Variants in PTPRG observed in about 807,000 individuals in gnomAD.
PTPRG encodes receptor-type tyrosine-protein phosphatase gamma.
A neutral mutation model predicts 165.3 loss-of-function variants in PTPRG; 102 were observed. That is an observed-to-expected ratio of 0.62 (90% CI 0.53 to 0.73). The LOEUF is 0.73. PTPRG is among the 30% of genes least tolerant of loss of function. The probability of loss-of-function intolerance (pLI) is 0.00; values close to 1 mark genes in which losing one functional copy is unlikely to be tolerated. For synonymous variants in PTPRG, 675 were observed against 669.5 expected (o/e 1.01, Z -0.13); for missense variants, 1,866 against 1,861.4 (o/e 1.00, Z -0.05).
chr3:61,680,592 T>G (rs1575586013), intron 1 of PTPRG, among the ~76,000 whole-genome samples: 1 of 66,014 alleles, frequency 1.5e-5, no homozygotes, highest in East Asian at 5.1e-4. Context: ...AGTTTTTCAT[T>G]CTGTCCTTCA....
At chr3:61,673,135 C>T (rs1006617182) in intron 1 of PTPRG, among the ~76,000 whole-genome samples, 2 of 152,038 alleles carry the variant, frequency 1.3e-5, no homozygotes, top group Non-Finnish European at 2.9e-5. Flanking sequence ...GCACTCCAGC[C>T]TAGGCAACAG....
intron 1 of PTPRG, among the ~76,000 whole-genome samples, chr3:61,744,810 A>T (rs1484530940): frequency 1.5e-5 from 2 of 136,766 alleles, no homozygotes; most frequent in Non-Finnish European, 3.3e-5. Context: ...CTTCCTAAAG[A>T]ATTGCTTATT....
At chr3:61,732,573 A>G (rs946933156) in intron 1 of PTPRG, among the ~76,000 whole-genome samples, 12 of 132,916 alleles carry the variant, frequency 9.0e-5, no homozygotes, top group Admixed American at 2.2e-4. Context: ...GCCGCGCATG[A>G]TGGCGAGCAC....
chr3:62,070,073 T>C (rs577852530), intron 4 of PTPRG, among the ~76,000 whole-genome samples: 1 of 152,362 alleles, frequency 6.6e-6, no homozygotes, highest in East Asian at 1.9e-4. Flanking sequence ...GTGTTATGTA[T>C]TTTAATGTAA....
chr3:62,127,846 A>G (rs1576037298), intron 5 of PTPRG, among the ~76,000 whole-genome samples: 1 of 152,230 alleles, frequency 6.6e-6, no homozygotes, highest in African/African-American at 2.4e-5. Context: ...TACTTCAAGC[A>G]AGAGTAAACA....
intron 2 of PTPRG, among the ~76,000 whole-genome samples, chr3:61,852,261 A>G (rs2036983646): frequency 6.6e-6 from 1 of 152,194 alleles, no homozygotes; most frequent in South Asian, 2.1e-4. Flanking sequence ...GTGCTTTCCA[A>G]GAAGGATGGG....
intron 2 of PTPRG, among the ~76,000 whole-genome samples, chr3:61,881,751 C>T (rs2107472194): frequency 6.6e-6 from 1 of 152,314 alleles, no homozygotes; most frequent in African/African-American, 2.4e-5. Context: ...AGATACCTAT[C>T]CTCTTGGCTT....
At chr3:61,966,167 A>G (rs2040265771) in intron 2 of PTPRG, among the ~76,000 whole-genome samples, 1 of 152,232 alleles carries the variant, frequency 6.6e-6, no homozygotes, top group East Asian at 1.9e-4. Context: ...ATATTTGGTT[A>G]TCGAGTTTAA....
At chr3:61,751,669 A>G (rs2033434716) in intron 2 of PTPRG, among the ~76,000 whole-genome samples, 2 of 152,216 alleles carry the variant, frequency 1.3e-5, no homozygotes, top group Admixed American at 1.3e-4. Flanking sequence ...GGATTGTTAC[A>G]GGGATTCAGT....
At chr3:62,097,825 T>C (rs914224880) in intron 5 of PTPRG, among the ~76,000 whole-genome samples, 2 of 152,200 alleles carry the variant, frequency 1.3e-5, no homozygotes, top group African/African-American at 4.8e-5. Context: ...GGCCAAACAT[T>C]ATCTCGTGAA....
intron 2 of PTPRG, among the ~76,000 whole-genome samples, chr3:61,783,515 G>C (rs982408750): frequency 2.0e-5 from 3 of 152,198 alleles, no homozygotes; most frequent in African/African-American, 7.2e-5. Flanking sequence ...ATAGGAACCA[G>C]CTATAATGTG....
chr3:61,972,311 A>G (rs1000299476), intron 2 of PTPRG, among the ~76,000 whole-genome samples: 1 of 152,166 alleles, frequency 6.6e-6, no homozygotes, highest in Non-Finnish European at 1.5e-5. Flanking sequence ...GTGATCAGGG[A>G]GGTAAATTTG....
Position 62,255,488 on chromosome 3 carries a change from G to T in PTPRG, c.2559+273G>T, listed in dbSNP as rs1701517551. 1.3e-5 allele frequency among the ~76,000 whole-genome samples: 2 copies of T among 152,234 alleles called. No individual in the cohort carries two copies. The highest frequency in any genetic ancestry group is 1.3e-4 in the Admixed American group (2 of 15,294). On this transcript the variant is annotated intron_variant, in intron 16 of 29. Coordinates refer to ENST00000474889, the MANE Select transcript of PTPRG (RefSeq NM_002841.4). This position sits in a 1 kb window ranked among gnomAD's most constrained non-coding sequence, Gnocchi z 4.0. ...CAAACTGGTAGGGATTGCTTTTCAGGTTCTTGCTACATCTAATTCTAACTG... is the reference window on the plus strand; with the variant it reads ...CAAACTGGTAGGGATTGCTTTTCAGTTTCTTGCTACATCTAATTCTAACTG...
intron 13 of PTPRG, among the ~76,000 whole-genome samples, chr3:62,226,030 C>A (rs901095199): frequency 6.6e-6 from 1 of 152,162 alleles, no homozygotes; most frequent in Non-Finnish European, 1.5e-5. Context: ...AATTAGTATA[C>A]GAATCCTGGG....
intron 1 of PTPRG, among the ~76,000 whole-genome samples, chr3:61,659,738 CATTG>C (rs1337000192): frequency 2.0e-5 from 3 of 152,146 alleles, no homozygotes; most frequent in Non-Finnish European, 4.4e-5. Context: ...TGTCATGATA[CATTG>C]ATTATTACTT....
intron 8 of PTPRG, among the ~76,000 whole-genome samples, chr3:62,189,529 C>G (rs143941829): frequency 6.6e-6 from 1 of 152,192 alleles, no homozygotes; most frequent in Non-Finnish European, 1.5e-5. Context: ...ACTTCTTACC[C>G]GGTTCCTGCA....
intron 2 of PTPRG, among the ~76,000 whole-genome samples, chr3:61,872,910 C>T (rs1197758989): frequency 5.3e-5 from 8 of 152,142 alleles, no homozygotes; most frequent in African/African-American, 1.7e-4. Flanking sequence ...GGAAGATGCT[C>T]TCCTTGAAAT....
chr3:61,681,880 T>C (rs923706011), intron 1 of PTPRG, among the ~76,000 whole-genome samples: 5 of 152,314 alleles, frequency 3.3e-5, no homozygotes, highest in African/African-American at 1.2e-4. Flanking sequence ...CCGGGCGCAG[T>C]GGCTCACTCC....
At chr3:61,924,428 AC>A (rs2039155519) in intron 2 of PTPRG, among the ~76,000 whole-genome samples, 2 of 152,258 alleles carry the variant, frequency 1.3e-5, no homozygotes, top group African/African-American at 4.8e-5. Context: ...CATTTTTAGC[AC>A]ATTCTAAATA....
Sources: gnomAD v4.1 joint callset for allele counts (sites outside exome capture counted in the v4.1 genomes callset) on GRCh38, gnomAD v4.1.1 for gene constraint, Gnocchi (gnomAD v3.1) non-coding constraint, MANE v1.5 for transcripts, NCBI Gene and HGNC (gene_info 2026-07-23, HGNC 2026-07-21) for gene names.